BAZ2B: variants seen among roughly 807,000 people sequenced by gnomAD.
BAZ2B encodes bromodomain adjacent to zinc finger domain protein 2B.
In BAZ2B, 91 loss-of-function variants were observed where a neutral mutation model predicts 246.0. That is an observed-to-expected ratio of 0.37 (90% CI 0.31 to 0.44). BAZ2B has a LOEUF of 0.44. Ranked by LOEUF, BAZ2B falls within the 20% of genes least tolerant of loss-of-function variation. The pLI, the probability that BAZ2B is intolerant of heterozygous loss-of-function variation, is 1.00. For synonymous variants in BAZ2B, 855 were observed against 860.0 expected, an observed-to-expected ratio of 0.99 and a Z score of 0.10; for missense variants, 2,332 against 2,533.7, an observed-to-expected ratio of 0.92 and a Z score of 1.71.
chr2:159,477,269 C>A (rs1035143515), intron 3 of BAZ2B, among the ~76,000 whole-genome samples: 4 of 151,936 alleles, frequency 2.6e-5, no homozygotes, highest in Non-Finnish European at 4.4e-5. Context: ...TGTGCCACTG[C>A]ACTCCTGACT....
chr2:159,637,558 T>A, the BAZ2B span, among the ~76,000 whole-genome samples: 6 of 152,150 alleles, frequency 3.9e-5, no homozygotes, highest in Non-Finnish European at 8.8e-5. Context: ...GGTAAATTGC[T>A]AAGGCTTTTT....
upstream of BAZ2B, chr2:159,616,966 A>G (rs1696166723): frequency 1.3e-5 from 2 of 152,178 alleles, no homozygotes; most frequent in Admixed American, 6.5e-5. Context: ...TTAAAACTCA[A>G]AAAAAGCAGT....
chr2:159,569,556 G>A (rs1342097872), intron 1 of BAZ2B, among the ~76,000 whole-genome samples: 1 of 151,946 alleles, frequency 6.6e-6, no homozygotes, highest in East Asian at 1.9e-4. Flanking sequence ...GTAGATTTAG[G>A]ATTTTACAAA....
intron 12 of BAZ2B, 111 bp downstream of exon 12, chr2:159,428,200 G>A: frequency 3.6e-6 from 4 of 1,125,512 alleles, no homozygotes; most frequent in Non-Finnish European, 5.2e-6. Context: ...TCCCATACAA[G>A]AGAATATTTA....
chr2:159,547,023 G>C (rs533525717), intron 2 of BAZ2B, among the ~76,000 whole-genome samples: 2 of 152,108 alleles, frequency 1.3e-5, no homozygotes, highest in Non-Finnish European at 2.9e-5. Flanking sequence ...AAAGCTACTA[G>C]AGTTTAGAAA....
chr2:159,379,345 T>C (rs892480453), intron 25 of BAZ2B, among the ~76,000 whole-genome samples: 2 of 152,012 alleles, frequency 1.3e-5, no homozygotes, highest in Non-Finnish European at 2.9e-5. Context: ...GACAGGGAAA[T>C]TGGGGAGTTC....
intron 1 of BAZ2B, among the ~76,000 whole-genome samples, chr2:159,564,310 G>C (rs1442828199): frequency 6.6e-6 from 1 of 152,082 alleles, no homozygotes; most frequent in Non-Finnish European, 1.5e-5. Context: ...GACCACAGAG[G>C]GCCTGGAAAG....
chr2:159,478,235 G>T (rs2078844942), intron 3 of BAZ2B, among the ~76,000 whole-genome samples: 1 of 152,248 alleles, frequency 6.6e-6, no homozygotes, highest in Admixed American at 6.5e-5. Context: ...TCAAATACTG[G>T]AAGGAAATCT....
chr2:159,623,756 C>T, the BAZ2B span, among the ~76,000 whole-genome samples: 1 of 152,054 alleles, frequency 6.6e-6, no homozygotes, highest in Non-Finnish European at 1.5e-5. Context: ...CCAACACTGA[C>T]AAAAATATGA....
chr2:159,587,863 T>C (rs962248722), intron 1 of BAZ2B, among the ~76,000 whole-genome samples: 10 of 152,084 alleles, frequency 6.6e-5, no homozygotes, highest in Non-Finnish European at 1.2e-4. Flanking sequence ...CTGCAATGAA[T>C]TGTATACAAT....
At chr2:159,400,340 C>T (rs2064785078) in intron 17 of BAZ2B, among the ~76,000 whole-genome samples, 1 of 152,056 alleles carries the variant, frequency 6.6e-6, no homozygotes, top group African/African-American at 2.4e-5. Context: ...AACATTTTAG[C>T]GCATGAACTT....
At chr2:159,607,056 T>C (rs1260147625) in intron 1 of BAZ2B, among the ~76,000 whole-genome samples, 1 of 151,992 alleles carries the variant, frequency 6.6e-6, no homozygotes, top group South Asian at 2.1e-4. Context: ...GGTTTCACCA[T>C]GTTGACCAGG....
chr2:159,394,664 A>G (rs1170832410), intron 20 of BAZ2B, among the ~76,000 whole-genome samples: 3 of 152,182 alleles, frequency 2.0e-5, no homozygotes, highest in Non-Finnish European at 2.9e-5. Flanking sequence ...CATTCTACAC[A>G]TACGTAGTAT....
At chr2:159,658,209 A>G in the BAZ2B span, among the ~76,000 whole-genome samples, 1 of 152,144 alleles carries the variant, frequency 6.6e-6, no homozygotes, top group African/African-American at 2.4e-5. Flanking sequence ...TAGCCAGTTG[A>G]TGTCATGAAT....
intron 20 of BAZ2B, 29 bp downstream of exon 20, chr2:159,395,740 G>A: frequency 1.9e-6 from 3 of 1,548,708 alleles, no homozygotes; most frequent in Non-Finnish European, 2.7e-6. Flanking sequence ...ACTTTATAAG[G>A]TAATATTTTT....
At position 159,332,554 on chromosome 2, in the gene BAZ2B, C is replaced by T. The variant is rs1291184447; in HGVS notation, c.5929G>A (p.Ala1977Thr). 6.2e-7 allele frequency: 1 copy of T among 1,613,342 alleles called. No homozygotes were observed. The highest frequency in any genetic ancestry group is 2.2e-5 in the East Asian group (1 of 44,880). ...TIPDGDWFCP[A>T]CIAKASGQTL... ...ATTGGTCTTACCTTAGCAATGCAAG[C>T]TGGACAAAACCAGTCTCCATCTGGG... is the stretch of plus-strand genomic sequence containing the variant. The change falls in exon 34 of 37, where the codon GCT becomes ACT. Residue 1977 changes from alanine (A) to threonine (T), a missense_variant. Transcript: ENST00000392783.
chr2:159,535,018 A>C (rs1578165204), intron 2 of BAZ2B, among the ~76,000 whole-genome samples: 1 of 152,340 alleles, frequency 6.6e-6, no homozygotes, highest in African/African-American at 2.4e-5. Flanking sequence ...TTCCATTAAA[A>C]TAAGTATGCC....
chr2:159,692,680 T>C, the BAZ2B span, among the ~76,000 whole-genome samples: 13 of 152,214 alleles, frequency 8.5e-5, no homozygotes, highest in South Asian at 2.7e-3. Context: ...GTGAGGCCTG[T>C]CTCTTTAAAA....
intron 3 of BAZ2B, chr2:159,462,932 G>A (rs1279543802): frequency 6.5e-6 from 9 of 1,386,444 alleles, no homozygotes; most frequent in Non-Finnish European, 8.2e-6. Context: ...GTTTTGGCTG[G>A]GGGTCACTTG....
Sources: allele counts gnomAD v4.1 joint callset (sites outside exome capture counted in the v4.1 genomes callset), GRCh38; gene constraint gnomAD v4.1.1; transcripts MANE v1.5; gene names NCBI Gene and HGNC (gene_info 2026-07-23, HGNC 2026-07-21).